The following LRP2BP variants were observed in gnomAD, a reference collection of about 807,000 sequenced individuals.
LRP2BP encodes the protein LRP2 binding protein, also known as LRP2-binding protein.
LRP2BP carries 38 observed loss-of-function variants against 45.2 expected under a neutral mutation model. The ratio of observed to expected loss-of-function variants is 0.84; its 90% CI spans 0.65 to 1.10. LRP2BP has a LOEUF of 1.10. Among genes scored for constraint, LRP2BP ranks in the 50% least tolerant of loss-of-function variants. The pLI, the probability that LRP2BP is intolerant of heterozygous loss-of-function variation, is 0.00. For synonymous variants in LRP2BP, 153 were observed against 153.9 expected (o/e 0.99, Z 0.04); for missense variants, 385 against 418.9 (o/e 0.92, Z 0.71).
At chr4:185,368,085 G>C (rs2095397043) in intron 8 of LRP2BP, among the ~76,000 whole-genome samples, 1 of 152,182 alleles carries the variant, frequency 6.6e-6, no homozygotes, top group Non-Finnish European at 1.5e-5. Context: ...GGCTGAGCCA[G>C]GAGAATGGCG....
At chr4:185,382,840 A>G (rs113961396) in intron 1 of LRP2BP, among the ~76,000 whole-genome samples, 2 of 152,024 alleles carry the variant, frequency 1.3e-5, no homozygotes, top group South Asian at 2.1e-4. Flanking sequence ...CAGTTTTTCT[A>G]TTTTTTCTTT....
At position 185,366,925 on chromosome 4, in the gene LRP2BP, CT is replaced by C. The variant is rs1314526074; in HGVS notation, c.*254del. On this transcript the variant is annotated 3_prime_UTR_variant, in exon 9 of 9. Transcript: ENST00000505916. ...CTTGCTGTATAGAATGGTTTTAATA[CT>C]TGATATGGTCTCGGCCAGTCTGTAG... 6.0e-6 allele frequency: 2 copies of C among 332,178 alleles called. No homozygotes were observed. Among genetic ancestry groups the C allele is most frequent in the African/African-American group, 4.2e-5 (2 of 47,316 alleles). The allele number at this position is 332,178 out of a possible 1,614,324, so 20.6% of individuals were successfully genotyped here. A position where few individuals can be genotyped will look rare whatever the true frequency, so the allele number is the denominator to read the frequency against.
Position 185,370,725 on chromosome 4 carries a change from A to G in LRP2BP, c.893T>C (p.Met298Thr). The G allele has an allele frequency of 6.2e-7, 1 of 1,614,032 alleles. No homozygotes were observed. The change falls in exon 8 of 9, where the codon ATG (methionine) becomes ACG (threonine). Residue 298 changes from methionine to threonine, a missense_variant. By Grantham distance (81) the Met-to-Thr change is moderately conservative. Transcript: ENST00000505916. ...ACACCTTGCGTGGTAGAAGGATGCCATTGCCATGCCTCTGCCGATGAACTC... is the reference window on the plus strand; with the variant it reads ...ACACCTTGCGTGGTAGAAGGATGCCGTTGCCATGCCTCTGCCGATGAACTC... Reference protein sequence around the residue: ...LPEFIGRGMAMASFYHARCLQ... With the variant: ...LPEFIGRGMATASFYHARCLQ...
chr4:185,387,584 G>A (rs969503802), intron 1 of LRP2BP, among the ~76,000 whole-genome samples: 2 of 152,110 alleles, frequency 1.3e-5, no homozygotes, highest in Admixed American at 6.5e-5. Flanking sequence ...ATGTCTTTTT[G>A]AATTGCAAGT....
At chr4:185,374,554 C>G (rs1039997191) in intron 4 of LRP2BP, 93 bp from the exon 5 acceptor site, 2 of 1,333,316 alleles carry the variant, frequency 1.5e-6, no homozygotes, top group Non-Finnish European at 1.0e-6. Flanking sequence ...TGTCCGCCCT[C>G]TGACACGATG....
chr4:185,397,221 G>A (rs747830120), upstream of LRP2BP: 41 of 1,614,008 alleles, frequency 2.5e-5, no homozygotes, highest in Non-Finnish European at 1.3e-5. Flanking sequence ...GCAAGCAGTC[G>A]CCTGTCCACT....
intron 1 of LRP2BP, among the ~76,000 whole-genome samples, chr4:185,389,543 T>C (rs2095482570): frequency 6.6e-6 from 1 of 152,172 alleles, no homozygotes; most frequent in Non-Finnish European, 1.5e-5. Flanking sequence ...AATAACAATG[T>C]AATATATGAT....
intron 7 of LRP2BP, chr4:185,371,084 C>A: frequency 3.1e-6 from 1 of 325,242 alleles, no homozygotes; most frequent in South Asian, 6.7e-5. Flanking sequence ...CTTTTTTCTT[C>A]TAATATTACT....
chr4:185,372,827 A>G, intron 7 of LRP2BP, 29 bp downstream of exon 7: 1 of 1,510,162 alleles, frequency 6.6e-7, no homozygotes, highest in South Asian at 1.2e-5. Context: ...ATTCTGTTAC[A>G]GCAGCACAGA....
chr4:185,388,447 G>GCCCACCTACCTATCAATCATCTACCTA (rs1554020567), intron 1 of LRP2BP, among the ~76,000 whole-genome samples: 1 of 149,516 alleles, frequency 6.7e-6, no homozygotes, highest in Non-Finnish European at 1.5e-5. Context: ...CTACCTATCT[G>GCCCACCTACCTATCAATCATCTACCTA]CCTACCTACC....
upstream of LRP2BP, chr4:185,396,714 G>C (rs1032093109): frequency 8.4e-6 from 5 of 593,114 alleles, no homozygotes; most frequent in Non-Finnish European, 1.5e-5. Context: ...GGCCGTGGCG[G>C]GGCTGGACAG....
chr4:185,395,683 C>T lies in LRP2BP; in HGVS notation c.-926G>A. 1 of 985,116 alleles carries T rather than the reference C, an allele frequency of 1.0e-6. No homozygotes were observed. Among genetic ancestry groups the T allele is most frequent in the Non-Finnish European group, 1.2e-6 (1 of 829,644 alleles). 61.0% of individuals were successfully genotyped at this position (985,116 alleles called of 1,614,324 possible). On this transcript the variant is annotated 5_prime_UTR_variant, in exon 1 of 9. Transcript: ENST00000505916. ...GGGTAACTAAGTATAACAACATAAA[C>T]TTGCGATTGCAAATTTTATGGCTCT...
intron 1 of LRP2BP, among the ~76,000 whole-genome samples, chr4:185,383,080 CATTT>C (rs2095460137): frequency 2.6e-5 from 4 of 152,210 alleles, no homozygotes; most frequent in Admixed American, 6.5e-5. Context: ...CTTCCCTCAT[CATTT>C]GTTATACTTT....
chr4:185,397,035 C>A, upstream of LRP2BP: 1 of 1,609,258 alleles, frequency 6.2e-7, no homozygotes, highest in Admixed American at 1.7e-5. Flanking sequence ...CGGGGACGGA[C>A]CACTGGGCGC....
chr4:185,383,269 CA>C (rs1400101817), intron 1 of LRP2BP, among the ~76,000 whole-genome samples: 6 of 152,080 alleles, frequency 3.9e-5, no homozygotes, highest in Middle Eastern at 3.2e-3. Flanking sequence ...GCCACAAGTT[CA>C]AGACCAGACA....
intron 1 of LRP2BP, among the ~76,000 whole-genome samples, chr4:185,381,926 G>A (rs1450564342): frequency 1.3e-5 from 2 of 152,102 alleles, no homozygotes; most frequent in Admixed American, 6.6e-5. Context: ...CAATTCAGAG[G>A]TTTTTAATAT....
chr4:185,396,670 G>A (rs1049209264), upstream of LRP2BP: 3 of 514,270 alleles, frequency 5.8e-6, no homozygotes, highest in Non-Finnish European at 1.0e-5. Context: ...TGCCCCCGGC[G>A]CCGGGCTCCA....
upstream of LRP2BP, chr4:185,396,979 T>A (rs375151146): frequency 1.2e-6 from 2 of 1,613,090 alleles, no homozygotes; most frequent in Non-Finnish European, 1.7e-6. Flanking sequence ...GAGCCCGAGC[T>A]TTTGTCCTGC....
chr4:185,394,746 G>T, intron 1 of LRP2BP, 33 bp downstream of exon 1: 3 of 985,152 alleles, frequency 3.0e-6, no homozygotes, highest in Non-Finnish European at 3.6e-6. Flanking sequence ...TCAAGATTCA[G>T]CCCACACATC....
Sources: allele counts gnomAD v4.1 joint callset (sites outside exome capture counted in the v4.1 genomes callset), GRCh38; gene constraint gnomAD v4.1.1; transcripts MANE v1.5; gene names NCBI Gene and HGNC (gene_info 2026-07-23, HGNC 2026-07-21).